ZNF682: variants seen among roughly 807,000 people sequenced by gnomAD.
ZNF682 encodes the protein zinc finger protein 682.
Under a neutral mutation model 36.5 loss-of-function variants are expected in ZNF682, and 29 were observed. The observed-to-expected ratio is 0.80, with a 90% CI of 0.59 to 1.08. ZNF682 has a LOEUF of 1.08. ZNF682 is among the 50% of genes least tolerant of loss of function. The pLI is 0.00. For missense variants in ZNF682, 561 were observed against 579.7 expected, an observed-to-expected ratio of 0.97 and a Z score of 0.33; for synonymous variants, 180 against 197.0, an observed-to-expected ratio of 0.91 and a Z score of 0.72.
intron 3 of ZNF682, among the ~76,000 whole-genome samples, chr19:20,012,844 T>C (rs1192947292): frequency 6.7e-6 from 1 of 148,968 alleles, no homozygotes; most frequent in South Asian, 2.1e-4. Context: ...TCAAAGGACA[T>C]GGTCATTTCT....
chr19:20,018,631 AAC>A (rs1471953297), intron 3 of ZNF682, among the ~76,000 whole-genome samples: 7 of 152,216 alleles, frequency 4.6e-5, no homozygotes, highest in African/African-American at 1.7e-4. Flanking sequence ...TGGGGAAGAA[AAC>A]AGTTTTTTCA....
intron 1 of ZNF682, among the ~76,000 whole-genome samples, chr19:20,029,831 A>T (rs1244063048): frequency 1.3e-5 from 2 of 152,102 alleles, no homozygotes; most frequent in African/African-American, 4.8e-5. Flanking sequence ...TTAAAAAAAA[A>T]AATTAAAGAC....
At chr19:20,001,455 T>C (rs258575), downstream of ZNF682, among the ~76,000 whole-genome samples, 26,506 of 152,186 alleles carry the variant, frequency 0.17, 2,547 homozygotes, top group East Asian at 0.43. Flanking sequence ...CACATGTCTT[T>C]ATAATATTCC....
chr19:20,019,216 A>G (rs116529758), intron 3 of ZNF682, among the ~76,000 whole-genome samples: 179 of 152,266 alleles, frequency 1.2e-3, no homozygotes, highest in African/African-American at 4.1e-3. Context: ...ACCCATTAGG[A>G]GAGCCATTAA....
intron 1 of ZNF682, among the ~76,000 whole-genome samples, chr19:20,035,116 AG>A (rs1232164951): frequency 6.6e-6 from 1 of 152,246 alleles, no homozygotes; most frequent in Non-Finnish European, 1.5e-5. Context: ...ATATACATAT[AG>A]ACACTAAAAT....
intron 1 of ZNF682, among the ~76,000 whole-genome samples, chr19:20,026,862 G>T (rs902919236): frequency 2.0e-5 from 3 of 152,150 alleles, no homozygotes; most frequent in Admixed American, 2.0e-4. Flanking sequence ...AAAGGAGAAG[G>T]CTCTGATATA....
At chr19:20,026,571 T>C (rs11085293) in intron 1 of ZNF682, among the ~76,000 whole-genome samples, 119,640 of 152,024 alleles carry the variant, frequency 0.79, 47,196 homozygotes, top group Middle Eastern at 0.88. Flanking sequence ...TGGGTTCAGG[T>C]GATTCTGCCT....
chr19:20,030,671 C>G (rs1168682592), intron 1 of ZNF682: 1 of 152,128 alleles, frequency 6.6e-6, no homozygotes, highest in African/African-American at 2.4e-5. Context: ...GGAAAGTGGC[C>G]CTAAATCCCC....
At chr19:20,011,221 T>C (rs1363660626) in intron 3 of ZNF682, among the ~76,000 whole-genome samples, 1 of 152,000 alleles carries the variant, frequency 6.6e-6, no homozygotes, top group Non-Finnish European at 1.5e-5. Context: ...GACAAACACA[T>C]TACATAATAA....
chr19:20,031,414 T>G (rs1241483177), intron 1 of ZNF682, among the ~76,000 whole-genome samples: 1 of 152,162 alleles, frequency 6.6e-6, no homozygotes, highest in Admixed American at 6.5e-5. Flanking sequence ...GACCACACTT[T>G]GAAGGGTGGG....
At position 20,024,244 on chromosome 19, in the gene ZNF682, T is replaced by G; in HGVS notation, c.130+6A>C. 6.2e-7 allele frequency: 1 copy of G among 1,613,384 alleles called. No individual in the cohort carries two copies. The highest frequency in any genetic ancestry group is 1.1e-5 in the South Asian group (1 of 90,824). On this transcript the variant is annotated splice_donor_region_variant and intron_variant, in intron 2 of 3. Coordinates refer to ENST00000397165, the MANE Select transcript of ZNF682 (RefSeq NM_033196.3). ...AATAGAAATTGTGTATTGAAGTTAT[T>G]CTCACCCAGAGAGACCAGGTTTCTG...
rs2088137260 is a variant in ZNF682, at chr19:19,997,854, T to C, written c.227-591A>G. On this transcript the variant is annotated intron_variant, in intron 3 of 3. Coordinates refer to the ZNF682 transcript ENST00000596019. Reference sequence around the variant, plus strand: ...CTCCTGCATGGGGCTGCAGTGCCAGTGATGGCCTCTAGGTGGTGAGAGCCT... The same window carrying C: ...CTCCTGCATGGGGCTGCAGTGCCAGCGATGGCCTCTAGGTGGTGAGAGCCT... 2.0e-5 allele frequency among the ~76,000 whole-genome samples: 3 copies of C among 152,206 alleles called. No homozygotes were observed. The South Asian group carries it at 6.2e-4, about 32-fold the overall frequency.
At chr19:19,995,535 GATTGA>G (rs2088124570), downstream of ZNF682, among the ~76,000 whole-genome samples, 3 of 152,218 alleles carry the variant, frequency 2.0e-5, no homozygotes, top group South Asian at 6.2e-4. Context: ...TATAGGAATA[GATTGA>G]ATTAGAGATT....
At chr19:20,030,863 A>T (rs2088473597) in intron 1 of ZNF682, 1 of 152,240 alleles carries the variant, frequency 6.6e-6, no homozygotes, top group African/African-American at 2.4e-5. Flanking sequence ...CACCCAAGTG[A>T]AAACTGGAAC....
intron 3 of ZNF682, among the ~76,000 whole-genome samples, chr19:19,998,976 T>C (rs1336628540): frequency 6.6e-6 from 1 of 152,098 alleles, no homozygotes. Flanking sequence ...CTCAGAGTAA[T>C]GGTACTATGA....
At chr19:20,013,795 G>A (rs890345774) in intron 3 of ZNF682, among the ~76,000 whole-genome samples, 1 of 152,132 alleles carries the variant, frequency 6.6e-6, no homozygotes, top group Non-Finnish European at 1.5e-5. Context: ...GGTCAGGCTG[G>A]TCTCAAACTC....
At position 20,006,829 on chromosome 19, in the gene ZNF682, C is replaced by T. The variant is rs1055219118; in HGVS notation, c.673G>A (p.Gly225Arg). 11 of 1,613,998 alleles carry T rather than the reference C, an allele frequency of 6.8e-6. No individual in the cohort carries two copies. The African/African-American group carries it at 9.3e-5, about 14-fold the overall frequency. The change falls in exon 4 of 4, where the codon GGA becomes AGA. Residue 225 changes from glycine to arginine, a missense_variant. By Grantham distance (125) the Gly-to-Arg change is moderately radical. Coordinates refer to ENST00000397165, the MANE Select transcript of ZNF682 (RefSeq NM_033196.3). ...TCTTCACATTTGTATGGTTTCTCTC[C>T]AGTGTGAATTCTCTTATGTTTAGTA... ...YLTKHKRIHTGEKPYKCEECG... is the reference protein window; with the variant it reads ...YLTKHKRIHTREKPYKCEECG...
At chr19:20,039,122 A>C in intron 1 of ZNF682, 4 of 1,385,260 alleles carry the variant, frequency 2.9e-6, no homozygotes, top group Non-Finnish European at 1.9e-6. Context: ...CCGGGCGGGA[A>C]GCGGGAGAAC....
intron 3 of ZNF682, among the ~76,000 whole-genome samples, chr19:20,019,545 A>C (rs1389378755): frequency 6.6e-6 from 1 of 152,172 alleles, no homozygotes; most frequent in Non-Finnish European, 1.5e-5. Context: ...AGGATAGAAA[A>C]AAATATTTGC....
Sources: allele counts gnomAD v4.1 joint callset (sites outside exome capture counted in the v4.1 genomes callset), GRCh38; gene constraint gnomAD v4.1.1; transcripts MANE v1.5; gene names NCBI Gene and HGNC (gene_info 2026-07-23, HGNC 2026-07-21).